ZZEF1: variants seen among roughly 807,000 people sequenced by gnomAD.
ZZEF1 encodes the protein zinc finger ZZ-type and EF-hand domain containing 1.
Under a neutral mutation model 342.8 loss-of-function variants are expected in ZZEF1, and 157 were observed. The ratio of observed to expected loss-of-function variants is 0.46; its 90% CI spans 0.40 to 0.52. The LOEUF is 0.52. ZZEF1 is among the 20% of genes least tolerant of loss of function. ZZEF1 has a pLI of 0.00. For missense variants in ZZEF1, 3,480 were observed against 3,725.6 expected, an observed-to-expected ratio of 0.93 and a Z score of 1.72; for synonymous variants, 1,505 against 1,429.1, an observed-to-expected ratio of 1.05 and a Z score of -1.20.
chr17:4,012,836 A>G (rs1471554593), intron 52 of ZZEF1, among the ~76,000 whole-genome samples: 5 of 152,234 alleles, frequency 3.3e-5, no homozygotes, highest in African/African-American at 1.2e-4. Flanking sequence ...AAACAAAGCT[A>G]AAATTAAAAA....
chr17:4,048,368 G>C (rs1793273973), intron 37 of ZZEF1, among the ~76,000 whole-genome samples: 1 of 152,134 alleles, frequency 6.6e-6, no homozygotes, highest in South Asian at 2.1e-4. Flanking sequence ...ATGAGAATGG[G>C]ACCTTGGTGA....
intron 2 of ZZEF1, among the ~76,000 whole-genome samples, chr17:4,117,963 C>T (rs2058425345): frequency 6.6e-6 from 1 of 152,124 alleles, no homozygotes; most frequent in Non-Finnish European, 1.5e-5. Context: ...TCATATCATT[C>T]CATCCTCACA....
rs547184227 is a variant in ZZEF1, at chr17:4,022,526, C to T, written c.7212+183G>A. 9.5e-5 allele frequency: 67 copies of T among 703,058 alleles called. 1 individual carries two copies. In the South Asian group the frequency reaches 1.4e-3, roughly 15 times the overall value. The allele number at this position is 703,058 out of a possible 1,614,324, so 43.6% of individuals were successfully genotyped here. On this transcript the variant is annotated intron_variant, in intron 44 of 54. Coordinates refer to ENST00000381638, the MANE Select transcript of ZZEF1 (RefSeq NM_015113.4). ...CAAACATTAAATTCATTTTCCCTGA[C>T]AGGGGTAGACAGGTGTCATAATCCC...
At chr17:4,064,336 G>T in intron 29 of ZZEF1, 25 bp downstream of exon 29, 2 of 1,537,440 alleles carry the variant, frequency 1.3e-6, no homozygotes, top group South Asian at 2.5e-5. Flanking sequence ...AAGAGAAAGC[G>T]ACAGGAAGGT....
At chr17:4,019,602 G>A (rs528239643) in intron 46 of ZZEF1, 67 bp downstream of exon 46, 150 of 1,416,898 alleles carry the variant, frequency 1.1e-4, no homozygotes, top group Non-Finnish European at 1.4e-4. Context: ...GCCAGGAGGC[G>A]CACACCCTCC....
intron 27 of ZZEF1, 99 bp from the exon 28 acceptor site, chr17:4,066,639 G>C: frequency 7.1e-6 from 7 of 979,694 alleles, no homozygotes; most frequent in African/African-American, 1.6e-5. Context: ...TGACACCACA[G>C]AGTACTTCAC....
chr17:4,133,721 CTTTTT>C (rs145801030), intron 1 of ZZEF1, among the ~76,000 whole-genome samples: 1 of 148,046 alleles, frequency 6.8e-6, no homozygotes, highest in African/African-American at 2.5e-5. Flanking sequence ...TTTTTGCTAT[CTTTTT>C]TTTTTTTCTT....
chr17:4,095,336 T>C (rs1427063313), intron 11 of ZZEF1, among the ~76,000 whole-genome samples: 3 of 152,222 alleles, frequency 2.0e-5, no homozygotes, highest in Non-Finnish European at 4.4e-5. Flanking sequence ...CTACAGCACA[T>C]TCATAACACT....
At chr17:4,105,018 T>C (rs912740086) in intron 7 of ZZEF1, among the ~76,000 whole-genome samples, 6 of 152,256 alleles carry the variant, frequency 3.9e-5, no homozygotes, top group Non-Finnish European at 7.3e-5. Flanking sequence ...GCCTCACTTC[T>C]ATAATCTTTA....
At chr17:4,138,122 A>G (rs2058784240) in intron 1 of ZZEF1, among the ~76,000 whole-genome samples, 1 of 152,212 alleles carries the variant, frequency 6.6e-6, no homozygotes. Flanking sequence ...GCTTCAACCG[A>G]TTCAGACAAA....
In ZZEF1 at chr17:4,098,241, CAAA is replaced by C. The variant is rs61342066; in HGVS notation, c.1673-1544_1673-1542del. 8.4e-3 allele frequency among the ~76,000 whole-genome samples: 868 copies of C among 103,326 alleles called. 5 individuals are homozygous for C. Among genetic ancestry groups the C allele is most frequent in the Non-Finnish European group, 0.012 (605 of 52,456 alleles). The allele number at this position is 103,326 out of a possible 152,430, so 67.8% of individuals were successfully genotyped here. A position where few individuals can be genotyped will look rare whatever the true frequency, so the allele number is the denominator to read the frequency against. On this transcript the variant is annotated intron_variant, in intron 9 of 54. Transcript: ENST00000381638. ...TGGGTGACAGAGTGAGACTCCAACT[CAAA>C]AAAAAAAAAAAAAAAAAATCAGCTG...
intron 4 of ZZEF1, among the ~76,000 whole-genome samples, 163 bp from the exon 5 acceptor site, chr17:4,112,971 GACCTTGACC>G (rs1567852566): frequency 1.3e-5 from 2 of 152,180 alleles, no homozygotes; most frequent in East Asian, 3.8e-4. Flanking sequence ...AAGTCCTTCT[GACCTTGACC>G]TTCCCACATT....
Position 4,067,256 on chromosome 17 carries a change from C to T in ZZEF1, c.4076-14G>A. ...CCCCACTGTTGACTGGGGAGAGAAG[C>T]AGAGATGGAGATTACATTCAGGTAA... On this transcript the variant is annotated splice_polypyrimidine_tract_variant and intron_variant, in intron 26 of 54. Coordinates refer to ENST00000381638, the MANE Select transcript of ZZEF1 (RefSeq NM_015113.4). 1 of 1,607,920 alleles carries T rather than the reference C, an allele frequency of 6.2e-7. No homozygotes were observed. The highest frequency in any genetic ancestry group is 8.5e-7 in the Non-Finnish European group (1 of 1,176,322).
intron 39 of ZZEF1, among the ~76,000 whole-genome samples, chr17:4,035,657 G>C (rs755972314): frequency 3.9e-5 from 6 of 152,354 alleles, no homozygotes; most frequent in Non-Finnish European, 7.3e-5. Context: ...TAAGTGGAGA[G>C]GTGAGGGCAT....
At chr17:4,025,330 T>A (rs1178908219) in intron 42 of ZZEF1, among the ~76,000 whole-genome samples, 1 of 152,192 alleles carries the variant, frequency 6.6e-6, no homozygotes, top group Non-Finnish European at 1.5e-5. Flanking sequence ...TGGGACAATT[T>A]GCATTCTTAC....
chr17:4,076,703 T>C lies in ZZEF1; in HGVS notation c.3168A>G (p.Arg1056=). 6.2e-7 allele frequency: 1 copy of C among 1,613,384 alleles called. No homozygotes were observed. The highest frequency in any genetic ancestry group is 8.5e-7 in the Non-Finnish European group (1 of 1,179,388). Residue 1056 remains arginine (R), a synonymous_variant, in exon 21 of 55, where the codon AGA becomes AGG. Coordinates refer to ENST00000381638, the MANE Select transcript of ZZEF1 (RefSeq NM_015113.4). ...GGAGTTCTGTGAGGACGCTGAACTC[T>C]CTCAAGAGCACGCAGTGTGGGATGT... ...TLDIPHCVLL[R]EFSVLTELLK...
At chr17:4,076,137 CT>C (rs549589021) in intron 21 of ZZEF1, 71 of 122,062 alleles carry the variant, frequency 5.8e-4, no homozygotes, top group Admixed American at 6.9e-4. Context: ...CGTCTCCTTT[CT>C]TTTTTTTTTT....
At chr17:4,026,913 T>TA (rs925315146) in intron 42 of ZZEF1, among the ~76,000 whole-genome samples, 1 of 151,770 alleles carries the variant, frequency 6.6e-6, no homozygotes, top group Non-Finnish European at 1.5e-5. Flanking sequence ...AAAGATGAAG[T>TA]AAAAAAAAGT....
rs190801545 is a variant in ZZEF1 at position 4,016,308 on chromosome 17, C to T, written c.8145+15G>A. On this transcript the variant is annotated intron_variant, in intron 49 of 54. Coordinates refer to ENST00000381638, the MANE Select transcript of ZZEF1 (RefSeq NM_015113.4). This position sits in a 1 kb window ranked among gnomAD's most constrained non-coding sequence, Gnocchi z 4.4. ...GCTCAGTCGCTCTTATGGGGCCTGC[C>T]GGCCCCAGGCTTACCTCGAAGTTGG... 43 of 1,606,578 alleles carry T rather than the reference C, an allele frequency of 2.7e-5. No homozygotes were observed. The highest frequency in any genetic ancestry group is 2.9e-5 in the Non-Finnish European group (34 of 1,177,544).
Sources: gnomAD v4.1 joint callset for allele counts (sites outside exome capture counted in the v4.1 genomes callset) on GRCh38, gnomAD v4.1.1 for gene constraint, Gnocchi (gnomAD v3.1) non-coding constraint, MANE v1.5 for transcripts, NCBI Gene and HGNC (gene_info 2026-07-23, HGNC 2026-07-21) for gene names.